JPH3: variants seen among roughly 807,000 people sequenced by gnomAD.
The protein encoded by JPH3 is junctophilin 3.
A neutral mutation model predicts 59.6 loss-of-function variants in JPH3; 11 were observed. The observed-to-expected ratio is 0.18, with a 90% CI of 0.12 to 0.31. JPH3 has a LOEUF of 0.31. Among genes scored for constraint, JPH3 ranks in the 10% least tolerant of loss-of-function variants. The pLI, the probability that JPH3 is intolerant of heterozygous loss-of-function variation, is 1.00. For missense variants in JPH3, 1,202 were observed against 1,105.7 expected, an observed-to-expected ratio of 1.09 and a Z score of -1.24; for synonymous variants, 673 against 483.6, an observed-to-expected ratio of 1.39 and a Z score of -5.14.
rs146728552 is a variant in JPH3 at position 87,640,184 on chromosome 16, C to T, written c.383-4074C>T. 7.8e-3 allele frequency among the ~76,000 whole-genome samples: 1,182 copies of T among 151,966 alleles called. 14 individuals are homozygous for T. The highest frequency in any genetic ancestry group is 0.027 in the African/African-American group (1,133 of 41,482). On this transcript the variant is annotated intron_variant, in intron 1 of 4. Coordinates refer to ENST00000284262, the MANE Select transcript of JPH3 (RefSeq NM_020655.4). The stretch of plus-strand genomic sequence containing the variant: ...TCTACTAAAAACAGAAAAAAATTAG[C>T]TGGGTGTGGTGGTGCATGCCTGTAG...
chr16:87,636,748 G>A (rs1390770964), intron 1 of JPH3, among the ~76,000 whole-genome samples: 4 of 152,242 alleles, frequency 2.6e-5, no homozygotes, highest in African/African-American at 9.6e-5. Context: ...CACGGGGCAG[G>A]AAAGACTCCG....
chr16:87,657,048 C>G (rs66479826), intron 2 of JPH3, among the ~76,000 whole-genome samples: 29,477 of 152,062 alleles, frequency 0.19, 3,206 homozygotes, highest in East Asian at 0.31. Context: ...GGCCCTATCT[C>G]CACATATAGG....
chr16:87,614,982 G>A (rs1230842500), intron 1 of JPH3, among the ~76,000 whole-genome samples: 9 of 106,654 alleles, frequency 8.4e-5, no homozygotes, highest in East Asian at 3.0e-4. Flanking sequence ...GAGGAGCCGC[G>A]CGTCCCCTCC....
At chr16:87,688,545 G>A (rs1179305106) in intron 3 of JPH3, among the ~76,000 whole-genome samples, 4 of 151,814 alleles carry the variant, frequency 2.6e-5, no homozygotes, top group Non-Finnish European at 5.9e-5. Context: ...GAGAATGTCC[G>A]AGCGTGAGAG....
At position 87,611,207 on chromosome 16, in the gene JPH3, CG is replaced by C. The variant is rs1342499277; in HGVS notation, c.382+7680del. On this transcript the variant is annotated intron_variant, in intron 1 of 4. Transcript: ENST00000284262. This position sits in a 1 kb window ranked among gnomAD's most constrained non-coding sequence, Gnocchi z 4.5. The stretch of plus-strand genomic sequence containing the variant: ...AGGAGTCTGAACAGGGATGCAAAAC[CG>C]AGATATATGGAATAATTCAGGGTTT... Among the ~76,000 whole-genome samples, 1 of 152,134 alleles carries C rather than the reference CG, an allele frequency of 6.6e-6. No homozygotes were observed. Among genetic ancestry groups the C allele is most frequent in the Non-Finnish European group, 1.5e-5 (1 of 68,022 alleles).
At chr16:87,615,444 G>C (rs969577191) in intron 1 of JPH3, among the ~76,000 whole-genome samples, 11 of 152,224 alleles carry the variant, frequency 7.2e-5, no homozygotes, top group African/African-American at 2.7e-4. Context: ...GCATGGACTT[G>C]AGTGACAGCT....
chr16:87,644,356 A>G lies in JPH3; in HGVS notation c.481A>G (p.Arg161Gly). 6.2e-7 allele frequency: 1 copy of G among 1,612,960 alleles called. No individual in the cohort carries two copies. The highest frequency in any genetic ancestry group is 8.5e-7 in the Non-Finnish European group (1 of 1,179,926). Reference sequence around the variant, plus strand: ...GGCCGCGGTCATCCGCTCACCCCTGAGGACGTCCATCAACTCCCTGCGCAG... The same window carrying G: ...GGCCGCGGTCATCCGCTCACCCCTGGGGACGTCCATCAACTCCCTGCGCAG... The part of the protein sequence containing the change: ...GMAAVIRSPL[R>G]TSINSLRSEH... The change falls in exon 2 of 5, where the codon AGG (arginine) becomes GGG (glycine). Residue 161 changes from arginine (R) to glycine (G), a missense_variant. Transcript: ENST00000284262.
At chr16:87,691,186 A>G (rs1339414764) in intron 4 of JPH3, among the ~76,000 whole-genome samples, 5 of 151,624 alleles carry the variant, frequency 3.3e-5, no homozygotes, top group Non-Finnish European at 5.9e-5. Flanking sequence ...CCCAGGCTAG[A>G]CTCGGTGTGC....
At chr16:87,604,100 C>T in intron 1 of JPH3, 3 of 1,310,600 alleles carry the variant, frequency 2.3e-6, no homozygotes, top group Non-Finnish European at 2.0e-6. Context: ...TGGTTGGACG[C>T]GGACTAGCGC....
At chr16:87,625,668 A>C (rs1162835368) in intron 1 of JPH3, among the ~76,000 whole-genome samples, 1 of 152,152 alleles carries the variant, frequency 6.6e-6, no homozygotes, top group Non-Finnish European at 1.5e-5. Flanking sequence ...GGGGGCCTTC[A>C]TCAAGCTGTA....
At chr16:87,633,665 GGC>G (rs2150836939) in intron 1 of JPH3, among the ~76,000 whole-genome samples, 1 of 152,090 alleles carries the variant, frequency 6.6e-6, no homozygotes, top group South Asian at 2.1e-4. Context: ...TGGGTGTGGT[GGC>G]GGGCGCCTGT....
intron 2 of JPH3, 165 bp from the exon 3 acceptor site, chr16:87,683,969 TTGAATGAA>T (rs554450413): frequency 1.6e-6 from 1 of 606,798 alleles, no homozygotes; most frequent in Non-Finnish European, 3.0e-6. Flanking sequence ...GTGATGTTTA[TTGAATGAA>T]TGAATGAATG....
At chr16:87,604,255 G>A in intron 1 of JPH3, 1 of 1,454,612 alleles carries the variant, frequency 6.9e-7, no homozygotes. Flanking sequence ...ACCGCATTCG[G>A]GGCAGAGCCG....
At chr16:87,619,476 G>A (rs1437621832) in intron 1 of JPH3, among the ~76,000 whole-genome samples, 1 of 152,188 alleles carries the variant, frequency 6.6e-6, no homozygotes, top group Admixed American at 6.5e-5. Context: ...GATAAACTGC[G>A]CTGGGTGTCT....
At chr16:87,695,278 T>C (rs1326493844) in intron 4 of JPH3, 3 of 455,704 alleles carry the variant, frequency 6.6e-6, no homozygotes, top group South Asian at 1.5e-5. Flanking sequence ...TCTTTGAAAT[T>C]TGACCAGAGG....
chr16:87,696,826 T>C lies in JPH3; in HGVS notation c.*166T>C, dbSNP rs1027173267. 4 of 632,874 alleles carry C rather than the reference T, an allele frequency of 6.3e-6. No individual in the cohort carries two copies. Among genetic ancestry groups the C allele is most frequent in the Non-Finnish European group, 1.1e-5 (4 of 357,922 alleles). The allele number at this position is 632,874 out of a possible 1,614,324, so 39.2% of individuals were successfully genotyped here. On this transcript the variant is annotated 3_prime_UTR_variant, in exon 5 of 5. Transcript: ENST00000284262. ...GGGTATCACTCACAGTTTGCCTTTTTTTCTGGGTAATGTTTTTTGGATTTT... is the reference window on the plus strand; with the variant it reads ...GGGTATCACTCACAGTTTGCCTTTTCTTCTGGGTAATGTTTTTTGGATTTT...
chr16:87,643,686 ACT>A (rs1372738865), intron 1 of JPH3, among the ~76,000 whole-genome samples: 2 of 152,130 alleles, frequency 1.3e-5, no homozygotes, highest in East Asian at 1.9e-4. Context: ...TGCACCACAG[ACT>A]CTGATGCCTC....
chr16:87,691,552 TGTC>T (rs2033574827), intron 4 of JPH3, among the ~76,000 whole-genome samples: 1 of 152,014 alleles, frequency 6.6e-6, no homozygotes, highest in Non-Finnish European at 1.5e-5. Context: ...CAGGGGTCGG[TGTC>T]TGTCCCTGCC....
intron 2 of JPH3, among the ~76,000 whole-genome samples, chr16:87,658,944 A>G (rs891375906): frequency 6.6e-6 from 1 of 152,244 alleles, no homozygotes; most frequent in African/African-American, 2.4e-5. Flanking sequence ...TTGCTGAGCA[A>G]TAAGCAGCTG....
Sources: allele counts gnomAD v4.1 joint callset (sites outside exome capture counted in the v4.1 genomes callset), GRCh38; gene constraint gnomAD v4.1.1; non-coding constraint Gnocchi (gnomAD v3.1); transcripts MANE v1.5; gene names NCBI Gene and HGNC (gene_info 2026-07-23, HGNC 2026-07-21).